CUX1: variants seen among roughly 807,000 people sequenced by gnomAD.
CUX1 encodes the protein cut like homeobox 1, also known as protein CASP.
In CUX1, 31 loss-of-function variants were observed where a neutral mutation model predicts 158.8. That is an observed-to-expected ratio of 0.20 (90% CI 0.15 to 0.26). The LOEUF (loss-of-function observed/expected upper bound fraction) is 0.26, where lower values mean the gene tolerates loss of function less well. Among genes scored for constraint, CUX1 ranks in the 10% least tolerant of loss-of-function variants. The pLI is 1.00. For missense variants in CUX1, 1,589 were observed against 2,014.6 expected (o/e 0.79, Z 4.04); for synonymous variants, 879 against 862.1 (o/e 1.02, Z -0.34).
intron 5 of CUX1, among the ~76,000 whole-genome samples, chr7:102,097,742 C>T (rs1287798803): frequency 2.6e-5 from 4 of 152,158 alleles, no homozygotes; most frequent in Admixed American, 1.3e-4. Flanking sequence ...CTGATGAGAC[C>T]GATCAGGATT....
At chr7:102,051,238 C>G (rs1312213983) in intron 3 of CUX1, among the ~76,000 whole-genome samples, 1 of 152,102 alleles carries the variant, frequency 6.6e-6, no homozygotes, top group South Asian at 2.1e-4. Context: ...CCCACTGAAG[C>G]CTTCTGCCTC....
rs1295715460 is a variant in CUX1 at position 102,249,113 on chromosome 7, G to A, written c.*71G>A. The A allele has an allele frequency of 2.9e-4, 343 of 1,185,152 alleles. 1 individual carries two copies. The highest frequency in any genetic ancestry group is 1.4e-4 in the Admixed American group (3 of 21,822). 73.4% of individuals were successfully genotyped at this position (1,185,152 alleles called of 1,614,324 possible). The stretch of plus-strand genomic sequence containing the variant: ...CTGGACGGGGTCGGACGGGGCAGGC[G>A]CTGCGGACACCGTGGCCTGGGCTTG... On this transcript the variant is annotated 3_prime_UTR_variant, in exon 24 of 24. Transcript: ENST00000292535.
chr7:102,250,822 TTTC>T lies in CUX1; in HGVS notation c.*1783_*1785del, dbSNP rs562733680. 5.4e-5 allele frequency: 53 copies of T among 985,156 alleles called. No homozygotes were observed. In the African/African-American group the frequency reaches 7.7e-4, roughly 14 times the overall value. 61.0% of individuals were successfully genotyped at this position (985,156 alleles called of 1,614,324 possible). ...TGTGCAATTTTATACGTCTGTGTATTTTCTTAAGTACCTGTGCACACGTAGAGT... is the reference window on the plus strand; with the variant it reads ...TGTGCAATTTTATACGTCTGTGTATTTTAAGTACCTGTGCACACGTAGAGT... On this transcript the variant is annotated 3_prime_UTR_variant, in exon 24 of 24. Transcript: ENST00000292535.
chr7:101,922,994 G>A (rs773937106), intron 2 of CUX1, among the ~76,000 whole-genome samples: 18 of 152,252 alleles, frequency 1.2e-4, no homozygotes, highest in Admixed American at 3.3e-4. Flanking sequence ...TCCGTTTGCC[G>A]TTTGCTTTTC....
chr7:102,105,158 C>A (rs1830196636), intron 6 of CUX1, among the ~76,000 whole-genome samples: 1 of 148,846 alleles, frequency 6.7e-6, no homozygotes. Context: ...CCTTCTCAAG[C>A]AAATTGATAT....
intron 2 of CUX1, among the ~76,000 whole-genome samples, chr7:101,986,942 A>G (rs1222410843): frequency 6.6e-6 from 1 of 151,854 alleles, no homozygotes; most frequent in Non-Finnish European, 1.5e-5. Flanking sequence ...AGCCGTGGGG[A>G]TGTGGTCCTA....
chr7:102,048,291 C>T (rs1350458792), intron 3 of CUX1, among the ~76,000 whole-genome samples: 1 of 152,142 alleles, frequency 6.6e-6, no homozygotes, highest in Non-Finnish European at 1.5e-5. Flanking sequence ...ATGCCACCCT[C>T]GTGCCACTGT....
chr7:101,915,329 C>T lies in CUX1; in HGVS notation c.31-786C>T, dbSNP rs535202228. On this transcript the variant is annotated intron_variant, in intron 1 of 23. Coordinates refer to ENST00000292535, the MANE Select transcript of CUX1 (RefSeq NM_181552.4). Reference sequence around the variant, plus strand: ...ACAGGTTCTCTGGCGCGTTGATTATCGGTTTGTTGCGGGGAGCAGAGCCCA... The same window carrying T: ...ACAGGTTCTCTGGCGCGTTGATTATTGGTTTGTTGCGGGGAGCAGAGCCCA... 4.6e-5 allele frequency among the ~76,000 whole-genome samples: 7 copies of T among 152,226 alleles called. No homozygotes were observed. In the South Asian group the frequency reaches 1.5e-3, roughly 32 times the overall value.
intron 18 of CUX1, among the ~76,000 whole-genome samples, chr7:102,278,657 A>AAAATAAAATAAAATAT (rs1554548371): frequency 1.2e-4 from 12 of 99,110 alleles, no homozygotes; most frequent in African/African-American, 3.9e-4. Flanking sequence ...AATAAAATAA[A>AAAATAAAATAAAATAT]AAAATAAAAT....
chr7:102,208,413 G>A (rs953201917), intron 20 of CUX1, among the ~76,000 whole-genome samples: 5 of 152,184 alleles, frequency 3.3e-5, no homozygotes, highest in African/African-American at 9.6e-5. Context: ...CCAGCTAGTT[G>A]TATTTTTAGT....
chr7:101,969,605 C>T (rs917050027), intron 2 of CUX1, among the ~76,000 whole-genome samples: 18 of 152,166 alleles, frequency 1.2e-4, no homozygotes, highest in Admixed American at 9.2e-4. Flanking sequence ...CACTTTTTAG[C>T]GGTCGAAGGG....
intron 11 of CUX1, among the ~76,000 whole-genome samples, chr7:102,186,573 G>A (rs1380797162): frequency 7.2e-6 from 1 of 138,384 alleles, no homozygotes; most frequent in Admixed American, 7.6e-5. Context: ...CACAAACCTA[G>A]ATAGTATATA....
intron 3 of CUX1, among the ~76,000 whole-genome samples, chr7:102,055,896 G>C (rs1267128219): frequency 6.6e-6 from 1 of 152,202 alleles, no homozygotes; most frequent in Admixed American, 6.5e-5. Context: ...GTGAACACAT[G>C]AATGATAAGA....
intron 1 of CUX1, among the ~76,000 whole-genome samples, chr7:101,856,474 CGAAGTGGACTTTACA>C (rs1796836345): frequency 6.6e-6 from 1 of 152,178 alleles, no homozygotes; most frequent in African/African-American, 2.4e-5. Flanking sequence ...TAATGGAAGA[CGAAGTGGACTTTACA>C]GAAAGATGAA....
Position 101,834,657 on chromosome 7 carries a change from C to T in CUX1, c.30+16988C>T, listed in dbSNP as rs539301445. Among the ~76,000 whole-genome samples the T allele has an allele frequency of 2.0e-5, 3 of 152,252 alleles. No homozygotes were observed. The South Asian group carries it at 6.2e-4, about 32-fold the overall frequency. On this transcript the variant is annotated intron_variant, in intron 1 of 23. Transcript: ENST00000292535. ...GAGAGCAGTTCTTTTGATACAATAC[C>T]TCCGTCCCGTAACTTTTTTTTAAAG...
chr7:102,162,075 C>G (rs1479406044), intron 9 of CUX1, among the ~76,000 whole-genome samples: 2 of 151,780 alleles, frequency 1.3e-5, no homozygotes, highest in African/African-American at 4.8e-5. Context: ...GGCAGCACCA[C>G]TGGACAGCAG....
At chr7:101,892,541 C>T (rs554381956) in intron 1 of CUX1, among the ~76,000 whole-genome samples, 4 of 152,244 alleles carry the variant, frequency 2.6e-5, no homozygotes, top group African/African-American at 4.8e-5. Context: ...CTACGTTATA[C>T]GCAGTCTGAG....
upstream of CUX1, among the ~76,000 whole-genome samples, chr7:101,816,533 G>A (rs1250871313): frequency 4.9e-5 from 7 of 141,724 alleles, no homozygotes; most frequent in African/African-American, 7.6e-5. Flanking sequence ...GGCGGGCGGC[G>A]GCGGGCGCCG....
intron 18 of CUX1, among the ~76,000 whole-genome samples, chr7:102,279,648 C>G (rs1056501777): frequency 1.3e-5 from 2 of 152,180 alleles, no homozygotes; most frequent in Non-Finnish European, 2.9e-5. Flanking sequence ...AGAGGGCACT[C>G]AGACTCTGCA....
Sources: allele counts gnomAD v4.1 joint callset (sites outside exome capture counted in the v4.1 genomes callset), GRCh38; gene constraint gnomAD v4.1.1; transcripts MANE v1.5; gene names NCBI Gene and HGNC (gene_info 2026-07-23, HGNC 2026-07-21).